Variants in SPIRE1 observed in about 807,000 individuals in gnomAD.
SPIRE1 encodes the protein protein spire homolog 1.
Under a neutral mutation model 94.1 loss-of-function variants are expected in SPIRE1, and 40 were observed. The observed-to-expected ratio is 0.43, with a 90% CI of 0.33 to 0.55. SPIRE1 has a LOEUF of 0.55. Ranked by LOEUF, SPIRE1 falls within the 20% of genes least tolerant of loss-of-function variation. The pLI is 0.06. For missense variants in SPIRE1, 838 were observed against 975.2 expected, an observed-to-expected ratio of 0.86 and a Z score of 1.87; for synonymous variants, 376 against 371.7, an observed-to-expected ratio of 1.01 and a Z score of -0.13.
intron 2 of SPIRE1, among the ~76,000 whole-genome samples, chr18:12,600,576 C>T (rs1425268750): frequency 6.6e-6 from 1 of 151,984 alleles, no homozygotes; most frequent in Non-Finnish European, 1.5e-5. Flanking sequence ...AAAAGAACAA[C>T]ATTCCATCCA....
At chr18:12,522,067 C>T (rs183848648) in intron 4 of SPIRE1, among the ~76,000 whole-genome samples, 77 of 152,182 alleles carry the variant, frequency 5.1e-4, no homozygotes, top group Admixed American at 7.9e-4. Context: ...AAATCAAAAG[C>T]GAGAAATGAT....
At chr18:12,512,575 T>C (rs567709) in intron 4 of SPIRE1, 44 bp from the exon 5 acceptor site, 1,201,673 of 1,206,284 alleles carry the variant, frequency 1, 598,549 homozygotes, top group East Asian at 1. Flanking sequence ...CATTAAGTTA[T>C]CTTCTCAAAT....
chr18:12,569,324 G>A (rs1030438642), intron 2 of SPIRE1, among the ~76,000 whole-genome samples: 1 of 138,424 alleles, frequency 7.2e-6, no homozygotes, highest in African/African-American at 2.8e-5. Context: ...CTGGGCGACA[G>A]AGTGAGACTC....
At chr18:12,545,324 T>C (rs550811789) in intron 3 of SPIRE1, among the ~76,000 whole-genome samples, 42 of 152,326 alleles carry the variant, frequency 2.8e-4, no homozygotes, top group African/African-American at 9.1e-4. Flanking sequence ...AGAATATATC[T>C]GAATTTCATA....
At chr18:12,558,550 G>C (rs2035586727) in intron 2 of SPIRE1, among the ~76,000 whole-genome samples, 1 of 152,170 alleles carries the variant, frequency 6.6e-6, no homozygotes, top group Non-Finnish European at 1.5e-5. Flanking sequence ...CCTGCTGATT[G>C]GTCCATTTTA....
At chr18:12,580,558 A>G (rs2036228768) in intron 2 of SPIRE1, among the ~76,000 whole-genome samples, 1 of 152,196 alleles carries the variant, frequency 6.6e-6, no homozygotes, top group African/African-American at 2.4e-5. Flanking sequence ...TCCTGACCTC[A>G]GGTGATCCAC....
At chr18:12,586,312 T>G (rs948155576) in intron 2 of SPIRE1, among the ~76,000 whole-genome samples, 1 of 152,198 alleles carries the variant, frequency 6.6e-6, no homozygotes, top group East Asian at 1.9e-4. Context: ...AACTGAGTTA[T>G]TTTGCCACCA....
chr18:12,539,614 C>CACACACACAT (rs1555621644), intron 3 of SPIRE1, among the ~76,000 whole-genome samples: 4 of 150,728 alleles, frequency 2.7e-5, no homozygotes, highest in Non-Finnish European at 5.9e-5. Flanking sequence ...CACACACACA[C>CACACACACAT]GTTGGGAATA....
rs555938108 is a variant in SPIRE1, at chr18:12,530,866, A to G, written c.729+4610T>C. On this transcript the variant is annotated intron_variant, in intron 4 of 16. Transcript: ENST00000409402. ...CAAGTTTCTACTATAATATCATTAT[A>G]CCCCTACTATGAAACAGTGTATTAC... 6.6e-5 allele frequency among the ~76,000 whole-genome samples: 10 copies of G among 152,296 alleles called. 1 individual carries two copies. The South Asian group carries it at 1.9e-3, about 28-fold the overall frequency.
chr18:12,479,679 T>G lies in SPIRE1; in HGVS notation c.1404+20A>C. 1 of 1,580,244 alleles carries G rather than the reference T, an allele frequency of 6.3e-7. No individual in the cohort carries two copies. The highest frequency in any genetic ancestry group is 8.6e-7 in the Non-Finnish European group (1 of 1,167,226). ...AGCACCCTCATCTTGGGAGTCAAGC[T>G]GGGTGAACTGGGGCCTCACCTCAGA... On this transcript the variant is annotated intron_variant, in intron 10 of 16. Transcript: ENST00000409402.
At chr18:12,583,382 T>C (rs1337912639) in intron 2 of SPIRE1, among the ~76,000 whole-genome samples, 3 of 152,170 alleles carry the variant, frequency 2.0e-5, no homozygotes, top group Non-Finnish European at 4.4e-5. Flanking sequence ...GGCAGGCGGA[T>C]CATGAGGTCA....
rs1298306560 is a variant in SPIRE1, at chr18:12,449,612, AC to A, written c.*25del. The A allele has an allele frequency of 9.9e-6, 16 of 1,608,942 alleles. No homozygotes were observed. The highest frequency in any genetic ancestry group is 1.3e-5 in the Non-Finnish European group (15 of 1,176,704). On this transcript the variant is annotated 3_prime_UTR_variant, in exon 17 of 17. Transcript: ENST00000409402. ...TCGCGCACGGACGCTGACTCGTAGC[AC>A]AAAAGCAGCTGAAAGGCACGAGGCT...
chr18:12,602,820 T>C (rs374711810), intron 2 of SPIRE1, among the ~76,000 whole-genome samples: 2 of 152,208 alleles, frequency 1.3e-5, no homozygotes, highest in Non-Finnish European at 2.9e-5. Context: ...AGGGATTGGA[T>C]CTATAGCTCT....
intron 5 of SPIRE1, among the ~76,000 whole-genome samples, chr18:12,511,322 C>T (rs1050011235): frequency 1.3e-5 from 2 of 152,198 alleles, no homozygotes; most frequent in African/African-American, 4.8e-5. Context: ...GCTCTGTCTC[C>T]TGTTAAGATC....
At chr18:12,483,624 A>G (rs2032924509) in intron 9 of SPIRE1, among the ~76,000 whole-genome samples, 1 of 152,178 alleles carries the variant, frequency 6.6e-6, no homozygotes, top group South Asian at 2.1e-4. Flanking sequence ...ACCATAAGTG[A>G]TGTTGAATAG....
intron 2 of SPIRE1, among the ~76,000 whole-genome samples, chr18:12,597,180 ACACACACACACACACACAC>A (rs2036698661): frequency 6.7e-6 from 1 of 150,044 alleles, no homozygotes; most frequent in Non-Finnish European, 1.5e-5. Flanking sequence ...ACACACACAC[ACACACACACACACACACAC>A]ACACACAGAG....
intron 2 of SPIRE1, among the ~76,000 whole-genome samples, chr18:12,607,849 T>C (rs983221686): frequency 1.3e-5 from 2 of 152,270 alleles, no homozygotes; most frequent in South Asian, 2.1e-4. Context: ...TCACATTGCA[T>C]GCCTGTATCA....
At chr18:12,605,896 C>T (rs1400701499) in intron 2 of SPIRE1, among the ~76,000 whole-genome samples, 1 of 152,120 alleles carries the variant, frequency 6.6e-6, no homozygotes, top group African/African-American at 2.4e-5. Flanking sequence ...CTTGGCCTCC[C>T]TCGTTCACCG....
rs1312505370 is a variant in SPIRE1 at position 12,479,811 on chromosome 18, A to C, written c.1292T>G (p.Leu431Trp). ...CCCGTTTTCTTTTGTTTGTGATGTC[A>C]AACCTCCATTCACCATAGATGACTC... The part of the protein sequence containing the change: ...LVESSMVNGG[L>W]TSQTKENGLS... The change falls in exon 10 of 17, where the codon TTG (leucine) becomes TGG (tryptophan). Residue 431 changes from leucine to tryptophan, a missense_variant. Physicochemically the swap from Leu to Trp is moderately conservative, Grantham distance 61 (BLOSUM62 -2). Coordinates refer to ENST00000409402, the MANE Select transcript of SPIRE1 (RefSeq NM_001128626.2). 4.3e-6 allele frequency: 7 copies of C among 1,614,160 alleles called. No homozygotes were observed. The South Asian group carries it at 7.7e-5, about 18-fold the overall frequency.
Sources: allele counts gnomAD v4.1 joint callset (sites outside exome capture counted in the v4.1 genomes callset), GRCh38; gene constraint gnomAD v4.1.1; transcripts MANE v1.5; gene names NCBI Gene and HGNC (gene_info 2026-07-23, HGNC 2026-07-21).